Variants in PIWIL2 observed in about 807,000 individuals in gnomAD.
PIWIL2 encodes piwi-like protein 2.
In PIWIL2, 81 loss-of-function variants were observed where a neutral mutation model predicts 116.5. The ratio of observed to expected loss-of-function variants is 0.70; its 90% CI spans 0.58 to 0.84. The LOEUF (loss-of-function observed/expected upper bound fraction) is 0.84. Ranked by LOEUF, PIWIL2 falls within the 40% of genes least tolerant of loss-of-function variation. PIWIL2 has a pLI of 0.00. For missense variants in PIWIL2, 1,272 were observed against 1,212.3 expected (o/e 1.05, Z -0.73); for synonymous variants, 489 against 429.5 (o/e 1.14, Z -1.71).
intron 20 of PIWIL2, among the ~76,000 whole-genome samples, chr8:22,328,267 C>G (rs1014280895): frequency 6.6e-6 from 1 of 152,150 alleles, no homozygotes; most frequent in African/African-American, 2.4e-5. Flanking sequence ...TTCTGGACTG[C>G]TAATTCTATT....
intron 20 of PIWIL2, among the ~76,000 whole-genome samples, chr8:22,346,712 AT>A (rs1409694207): frequency 6.6e-6 from 1 of 152,184 alleles, no homozygotes; most frequent in Non-Finnish European, 1.5e-5. Context: ...AATAATTAGC[AT>A]ATTAGAAGGT....
chr8:22,353,764 C>CTTTTTTTTTTTTTTTTTTTTTT lies in PIWIL2; in HGVS notation c.2658-500_2658-479dup. On this transcript the variant is annotated intron_variant, in intron 21 of 22. Coordinates refer to ENST00000356766, the MANE Select transcript of PIWIL2 (RefSeq NM_018068.5). ...CAGGAAGATAAGGGAGTTTCTACCA[C>CTTTTTTTTTTTTTTTTTTTTTT]TTTTTTTTTTTTTTTTTTTTTTTTT... is the stretch of plus-strand genomic sequence containing the variant. 2.9e-5 allele frequency among the ~76,000 whole-genome samples: 2 copies of CTTTTTTTTTTTTTTTTTTTTTT among 68,328 alleles called. 1 individual carries two copies. The highest frequency in any genetic ancestry group is 5.2e-5 in the Non-Finnish European group (2 of 38,130). 44.8% of individuals were successfully genotyped at this position (68,328 alleles called of 152,430 possible). A position where few individuals can be genotyped will look rare whatever the true frequency, so the allele number is the denominator to read the frequency against.
intron 11 of PIWIL2, 100 bp from the exon 12 acceptor site, chr8:22,304,684 A>C: frequency 1.5e-6 from 1 of 664,930 alleles, no homozygotes; most frequent in Non-Finnish European, 2.7e-6. Context: ...AGTATTATGC[A>C]AATTATATAC....
chr8:22,292,962 C>G (rs1830798726), intron 10 of PIWIL2, among the ~76,000 whole-genome samples: 1 of 152,162 alleles, frequency 6.6e-6, no homozygotes, highest in Admixed American at 6.5e-5. Context: ...TGCAGGAGCC[C>G]AGTCCAAGCC....
At chr8:22,345,420 G>T (rs1832203757) in intron 20 of PIWIL2, among the ~76,000 whole-genome samples, 1 of 152,146 alleles carries the variant, frequency 6.6e-6, no homozygotes, top group African/African-American at 2.4e-5. Context: ...CAGCACTTTG[G>T]GAGGCTGAGG....
At chr8:22,287,239 T>A (rs1830648335) in intron 6 of PIWIL2, among the ~76,000 whole-genome samples, 1 of 152,202 alleles carries the variant, frequency 6.6e-6, no homozygotes, top group Admixed American at 6.5e-5. Context: ...AGAGCGAGAC[T>A]CCGTCTCAAA....
At chr8:22,292,059 A>T (rs142292355) in intron 10 of PIWIL2, among the ~76,000 whole-genome samples, 1,652 of 152,306 alleles carry the variant, frequency 0.011, 43 homozygotes, top group African/African-American at 0.037. Context: ...AGCTTTTGGC[A>T]TGTGGACAGC....
chr8:22,344,143 C>A (rs1437561873), intron 20 of PIWIL2, among the ~76,000 whole-genome samples: 1 of 152,120 alleles, frequency 6.6e-6, no homozygotes, highest in Non-Finnish European at 1.5e-5. Context: ...TTATATGATT[C>A]TAACTGTATG....
intron 20 of PIWIL2, among the ~76,000 whole-genome samples, chr8:22,332,814 C>G (rs776980490): frequency 2.6e-5 from 4 of 152,070 alleles, no homozygotes. Context: ...CACCAGCTGA[C>G]TTACACTGAA....
intron 10 of PIWIL2, among the ~76,000 whole-genome samples, chr8:22,294,515 C>T (rs1473456370): frequency 6.6e-6 from 1 of 150,678 alleles, no homozygotes; most frequent in Non-Finnish European, 1.5e-5. Context: ...ATGGCGGGCA[C>T]CTGTAGTCCC....
chr8:22,292,368 TC>T (rs1274113122), intron 10 of PIWIL2, among the ~76,000 whole-genome samples: 1 of 152,164 alleles, frequency 6.6e-6, no homozygotes, highest in Non-Finnish European at 1.5e-5. Flanking sequence ...GCTGTGGTAA[TC>T]CAGTGGAGCC....
chr8:22,332,352 A>G (rs942468768), intron 20 of PIWIL2, among the ~76,000 whole-genome samples: 5 of 151,778 alleles, frequency 3.3e-5, no homozygotes, highest in Non-Finnish European at 5.9e-5. Flanking sequence ...ACAGGCCAAT[A>G]GATAGGAGGT....
chr8:22,291,461 A>G (rs1830765617), intron 10 of PIWIL2, among the ~76,000 whole-genome samples: 1 of 151,952 alleles, frequency 6.6e-6, no homozygotes, highest in African/African-American at 2.4e-5. Flanking sequence ...AGATGTGTAT[A>G]ATTTTTAGTG....
chr8:22,309,929 C>CT (rs777115945), intron 14 of PIWIL2, 32 bp from the exon 15 acceptor site: 4 of 1,301,012 alleles, frequency 3.1e-6, no homozygotes, highest in African/African-American at 1.5e-5. Flanking sequence ...TTTGAAAAGG[C>CT]TCATGTCATA....
chr8:22,345,887 T>C (rs1399812921), intron 20 of PIWIL2, among the ~76,000 whole-genome samples: 1 of 152,174 alleles, frequency 6.6e-6, no homozygotes, highest in Non-Finnish European at 1.5e-5. Flanking sequence ...GTCCAACCCA[T>C]GGAGACAAAG....
chr8:22,329,035 C>G (rs886112377), intron 20 of PIWIL2, among the ~76,000 whole-genome samples: 5 of 151,776 alleles, frequency 3.3e-5, no homozygotes, highest in African/African-American at 1.2e-4. Context: ...GCATCTTTGT[C>G]TTTTTCCTGA....
intron 10 of PIWIL2, among the ~76,000 whole-genome samples, chr8:22,291,798 A>C (rs748998519): frequency 2.6e-5 from 4 of 152,162 alleles, no homozygotes; most frequent in Non-Finnish European, 5.9e-5. Flanking sequence ...ATAGCAAAAC[A>C]AAGATCCCTC....
chr8:22,340,076 G>T (rs1037552937), intron 20 of PIWIL2, among the ~76,000 whole-genome samples: 1 of 98,942 alleles, frequency 1.0e-5, no homozygotes, highest in Non-Finnish European at 2.0e-5. Context: ...TTTTGAGAAG[G>T]AGTTTCACTC....
At chr8:22,277,985 A>G (rs980308822) in intron 1 of PIWIL2, among the ~76,000 whole-genome samples, 5 of 152,018 alleles carry the variant, frequency 3.3e-5, no homozygotes, top group Non-Finnish European at 5.9e-5. Flanking sequence ...CCTGACCAAC[A>G]TAGAGAAACC....
Sources: allele counts gnomAD v4.1 joint callset (sites outside exome capture counted in the v4.1 genomes callset), GRCh38; gene constraint gnomAD v4.1.1; transcripts MANE v1.5; gene names NCBI Gene and HGNC (gene_info 2026-07-23, HGNC 2026-07-21).